NMNAT1: variants seen among roughly 807,000 people sequenced by gnomAD.
NMNAT1 encodes the protein nicotinamide/nicotinic acid mononucleotide adenylyltransferase 1.
In NMNAT1, 11 loss-of-function variants were observed where a neutral mutation model predicts 16.7. That is an observed-to-expected ratio of 0.66 (90% CI 0.41 to 1.09). The LOEUF (loss-of-function observed/expected upper bound fraction) is 1.09. Among genes scored for constraint, NMNAT1 ranks in the 50% least tolerant of loss-of-function variants. NMNAT1 has a pLI of 0.00. For missense variants in NMNAT1, 280 were observed against 332.3 expected (o/e 0.84, Z 1.22); for synonymous variants, 110 against 119.8 (o/e 0.92, Z 0.53).
chr1:9,977,237 G>A (rs1244512428), intron 3 of NMNAT1, among the ~76,000 whole-genome samples: 1 of 151,804 alleles, frequency 6.6e-6, no homozygotes. Flanking sequence ...ATGTTATTTT[G>A]ATTTTTTTAA....
chr1:9,955,550 A>G (rs984678941), intron 1 of NMNAT1, among the ~76,000 whole-genome samples: 1 of 152,184 alleles, frequency 6.6e-6, no homozygotes, highest in African/African-American at 2.4e-5. Context: ...GGTTGCAGTG[A>G]GCCGAGATTG....
chr1:9,943,175 G>C, upstream of NMNAT1: 1 of 175,532 alleles, frequency 5.7e-6, no homozygotes, highest in Non-Finnish European at 1.3e-5. Context: ...CGCGGCGGCC[G>C]GGCTCCAACA....
intron 3 of NMNAT1, among the ~76,000 whole-genome samples, chr1:9,978,555 T>G (rs1296779529): frequency 6.6e-6 from 1 of 152,204 alleles, no homozygotes; most frequent in Non-Finnish European, 1.5e-5. Flanking sequence ...CAGTGATCTC[T>G]CAAGAGGACT....
intron 1 of NMNAT1, among the ~76,000 whole-genome samples, chr1:9,962,264 C>T (rs1641430774): frequency 6.6e-6 from 1 of 151,668 alleles, no homozygotes; most frequent in South Asian, 2.1e-4. Context: ...AGGCGGATCA[C>T]GAGGTCAGGA....
At position 9,980,811 on chromosome 1, in the gene NMNAT1, C is replaced by T. The variant is rs542634653; in HGVS notation, c.300-220C>T. On this transcript the variant is annotated intron_variant, in intron 3 of 4. Transcript: ENST00000377205. ...AGCTGGGATTACAGGTGCCCGCCAC[C>T]ACACCCGGCTAATTTTTTGTATTTT... Among the ~76,000 whole-genome samples, 80 of 151,730 alleles carry T rather than the reference C, an allele frequency of 5.3e-4. 1 individual carries two copies. In the South Asian group the frequency reaches 0.016, roughly 31 times the overall value.
intron 1 of NMNAT1, 29 bp from the exon 2 acceptor site, chr1:9,971,989 A>G (rs1641699692): frequency 3.8e-6 from 3 of 788,246 alleles, no homozygotes; most frequent in East Asian, 2.5e-5. Context: ...AAAATGCATA[A>G]CTGAATTTAT....
At chr1:9,976,693 C>T (rs1323887557) in intron 3 of NMNAT1, among the ~76,000 whole-genome samples, 7 of 151,824 alleles carry the variant, frequency 4.6e-5, no homozygotes, top group Admixed American at 1.3e-4. Flanking sequence ...GGTGCATTCT[C>T]GGCTCACTGC....
intron 1 of NMNAT1, among the ~76,000 whole-genome samples, chr1:9,956,811 A>G (rs1355822467): frequency 1.4e-5 from 2 of 147,776 alleles, no homozygotes; most frequent in African/African-American, 5.0e-5. Context: ...GGCTCACTGC[A>G]ACCTCCACCT....
chr1:9,945,103 C>G (rs935303708), intron 1 of NMNAT1, among the ~76,000 whole-genome samples: 1 of 151,976 alleles, frequency 6.6e-6, no homozygotes, highest in Non-Finnish European at 1.5e-5. Context: ...GCGTGGTGGT[C>G]CATGCCTGTA....
chr1:9,950,356 G>T (rs1229496469), intron 1 of NMNAT1, among the ~76,000 whole-genome samples: 1 of 152,194 alleles, frequency 6.6e-6, no homozygotes, highest in African/African-American at 2.4e-5. Flanking sequence ...CTCCCAAAGT[G>T]TTGAGATTAT....
chr1:9,955,808 A>C (rs1641244930), intron 1 of NMNAT1: 1 of 152,140 alleles, frequency 6.6e-6, no homozygotes, highest in Non-Finnish European at 1.5e-5. Flanking sequence ...TTGACGGATA[A>C]CTACACACTT....
At chr1:9,960,450 C>T (rs1641376884) in intron 1 of NMNAT1, among the ~76,000 whole-genome samples, 1 of 151,886 alleles carries the variant, frequency 6.6e-6, no homozygotes, top group South Asian at 2.1e-4. Context: ...TCACTTGAGG[C>T]CAGGAGTTTG....
At chr1:9,962,821 A>G (rs1391458364) in intron 1 of NMNAT1, among the ~76,000 whole-genome samples, 2 of 151,396 alleles carry the variant, frequency 1.3e-5, no homozygotes, top group Admixed American at 6.6e-5. Flanking sequence ...AGCTGGGACT[A>G]CAGGTGCCTG....
chr1:9,948,266 T>C (rs1641024015), intron 1 of NMNAT1, among the ~76,000 whole-genome samples: 1 of 152,152 alleles, frequency 6.6e-6, no homozygotes. Context: ...ATTAGTACTG[T>C]TCTTTTTCTC....
At chr1:9,968,364 G>A (rs61785624) in intron 1 of NMNAT1, among the ~76,000 whole-genome samples, 3,268 of 151,198 alleles carry the variant, frequency 0.022, 109 homozygotes, top group African/African-American at 0.075. Flanking sequence ...GAGCCGCCGC[G>A]CCTGGCCTGC....
rs57925264 is a variant in NMNAT1 at position 9,954,025 on chromosome 1, T to G, written c.-57+10510T>G. On this transcript the variant is annotated intron_variant, in intron 1 of 4. Transcript: ENST00000377205. The stretch of plus-strand genomic sequence containing the variant: ...TTTGCCATGTTGGCCAGGCTGGTCT[T>G]GAACTCCTGATCTCAGGTGATCCAC... Among the ~76,000 whole-genome samples, 3 of 145,316 alleles carry G rather than the reference T, an allele frequency of 2.1e-5. No homozygotes were observed. In the East Asian group the frequency reaches 6.4e-4, roughly 31 times the overall value.
chr1:9,950,481 G>A (rs1008333216), intron 1 of NMNAT1: 2 of 152,292 alleles, frequency 1.3e-5, no homozygotes, highest in African/African-American at 2.4e-5. Context: ...GGAGATGGTC[G>A]TGTGATGGCC....
intron 3 of NMNAT1, among the ~76,000 whole-genome samples, chr1:9,976,724 A>G (rs1373922616): frequency 6.6e-6 from 1 of 151,780 alleles, no homozygotes; most frequent in Non-Finnish European, 1.5e-5. Context: ...TCCTGGGTTC[A>G]AGCAATTCTC....
chr1:9,958,655 G>A lies in NMNAT1; in HGVS notation c.-56-13363G>A, dbSNP rs147341009. 2.7e-4 allele frequency among the ~76,000 whole-genome samples: 41 copies of A among 151,942 alleles called. No individual in the cohort carries two copies. In the East Asian group the frequency reaches 7.5e-3, roughly 28 times the overall value. ...GGGTTTCACCATGCTGATCAGGTTGGTCTTGAATTCCTGACCTCGTGATCC... is the reference window on the plus strand; with the variant it reads ...GGGTTTCACCATGCTGATCAGGTTGATCTTGAATTCCTGACCTCGTGATCC... On this transcript the variant is annotated intron_variant, in intron 1 of 4. Transcript: ENST00000377205.
Sources: gnomAD v4.1 joint callset for allele counts (sites outside exome capture counted in the v4.1 genomes callset) on GRCh38, gnomAD v4.1.1 for gene constraint, MANE v1.5 for transcripts, NCBI Gene and HGNC (gene_info 2026-07-23, HGNC 2026-07-21) for gene names.